Variants in NKAIN3 observed in about 807,000 individuals in gnomAD.
NKAIN3 encodes sodium/potassium-transporting ATPase subunit beta-1-interacting protein 3.
NKAIN3 carries 25 observed loss-of-function variants against 30.2 expected under a neutral mutation model. The ratio of observed to expected loss-of-function variants is 0.83; its 90% CI spans 0.60 to 1.16. The LOEUF (loss-of-function observed/expected upper bound fraction) is 1.16. NKAIN3 is among the 50% of genes most tolerant of loss of function. NKAIN3 has a pLI of 0.00. For missense variants in NKAIN3, 225 were observed against 254.1 expected (o/e 0.89, Z 0.78); for synonymous variants, 91 against 89.6 (o/e 1.02, Z -0.09).
intron 4 of NKAIN3, among the ~76,000 whole-genome samples, chr8:62,864,586 G>A (rs900671915): frequency 2.6e-5 from 4 of 152,106 alleles, no homozygotes; most frequent in Admixed American, 6.5e-5. Context: ...TAAAATTCCC[G>A]AGTCACAGTT....
In NKAIN3 at chr8:62,781,302, C is replaced by A. The variant is rs565567156; in HGVS notation, c.471+34173C>A. Among the ~76,000 whole-genome samples the A allele has an allele frequency of 4.6e-5, 7 of 151,790 alleles. No individual in the cohort carries two copies. In the South Asian group the frequency reaches 1.5e-3, roughly 32 times the overall value. On this transcript the variant is annotated intron_variant, in intron 4 of 6. Transcript: ENST00000623646. ...AGGAGGGCACAAAAAAATGGAAGGA[C>A]ATTTTATGCTTGTGGGTTGGAAGAA... is the stretch of plus-strand genomic sequence containing the variant.
chr8:62,781,699 A>C (rs1025187162), intron 4 of NKAIN3, among the ~76,000 whole-genome samples: 1 of 151,798 alleles, frequency 6.6e-6, no homozygotes, highest in Non-Finnish European at 1.5e-5. Flanking sequence ...TTCAAAAAAA[A>C]AGAAACTAGA....
At chr8:62,738,601 C>CAA (rs3032912) in intron 3 of NKAIN3, among the ~76,000 whole-genome samples, 92,164 of 124,554 alleles carry the variant, frequency 0.74, 34,954 homozygotes, top group Non-Finnish European at 0.85. Flanking sequence ...ACTCCATCTC[C>CAA]AAAAAAAAAA....
chr8:62,517,273 A>G (rs947062106), intron 1 of NKAIN3, among the ~76,000 whole-genome samples: 1 of 152,166 alleles, frequency 6.6e-6, no homozygotes, highest in African/African-American at 2.4e-5. Context: ...GTGGGTATTA[A>G]TAAGAATAGT....
chr8:62,925,607 G>T (rs897392283), intron 5 of NKAIN3, among the ~76,000 whole-genome samples: 32 of 152,178 alleles, frequency 2.1e-4, no homozygotes, highest in African/African-American at 7.0e-4. Flanking sequence ...TGTTAGAAAT[G>T]ATTTCAGTGA....
intron 3 of NKAIN3, among the ~76,000 whole-genome samples, chr8:62,653,068 G>A (rs1229710670): frequency 6.6e-6 from 1 of 152,160 alleles, no homozygotes; most frequent in Non-Finnish European, 1.5e-5. Context: ...TTTATTCAGA[G>A]TTACTGTGAG....
intron 1 of NKAIN3, among the ~76,000 whole-genome samples, chr8:62,289,847 C>T (rs1313705352): frequency 6.6e-6 from 1 of 152,160 alleles, no homozygotes; most frequent in East Asian, 1.9e-4. Context: ...TGGCCATTTT[C>T]ACAATATTGA....
At chr8:62,524,872 G>A (rs568407806) in intron 1 of NKAIN3, among the ~76,000 whole-genome samples, 253 of 151,510 alleles carry the variant, frequency 1.7e-3, no homozygotes, top group Non-Finnish European at 3.0e-3. Context: ...GAGGTACTCC[G>A]GTTTAATAGC....
intron 1 of NKAIN3, among the ~76,000 whole-genome samples, chr8:62,269,934 C>G (rs1720144293): frequency 6.6e-6 from 1 of 152,134 alleles, no homozygotes; most frequent in African/African-American, 2.4e-5. Flanking sequence ...TTTCCATGTA[C>G]TTTCCTTTAA....
intron 1 of NKAIN3, among the ~76,000 whole-genome samples, chr8:62,545,445 G>T (rs918919269): frequency 6.6e-6 from 1 of 152,054 alleles, no homozygotes; most frequent in Admixed American, 6.6e-5. Context: ...AATTAGCAGG[G>T]TGTGTCCCAG....
intron 4 of NKAIN3, among the ~76,000 whole-genome samples, chr8:62,870,186 T>G (rs1241739635): frequency 2.1e-5 from 1 of 46,864 alleles, no homozygotes; most frequent in Non-Finnish European, 5.2e-5. Flanking sequence ...GTGAGCCAAG[T>G]CTCCCTAATA....
At chr8:62,422,422 T>A (rs1442663965) in intron 1 of NKAIN3, among the ~76,000 whole-genome samples, 1 of 152,170 alleles carries the variant, frequency 6.6e-6, no homozygotes, top group Non-Finnish European at 1.5e-5. Flanking sequence ...ATGTAAATAG[T>A]CTCTAATAAC....
chr8:62,843,143 A>G (rs1819579572), intron 4 of NKAIN3, among the ~76,000 whole-genome samples: 1 of 151,870 alleles, frequency 6.6e-6, no homozygotes, highest in Admixed American at 6.6e-5. Context: ...TGGGTCATAC[A>G]GAGGAGATAG....
intron 4 of NKAIN3, among the ~76,000 whole-genome samples, chr8:62,798,335 G>A (rs1316174446): frequency 1.3e-5 from 2 of 152,144 alleles, no homozygotes; most frequent in African/African-American, 4.8e-5. Context: ...ACTTTGGGAG[G>A]CTGAGGTGGG....
rs929025544 is a variant in NKAIN3 at position 62,965,948 on chromosome 8, G to C, written c.*541G>C. 4 of 984,606 alleles carry C rather than the reference G, an allele frequency of 4.1e-6. No individual in the cohort carries two copies. The highest frequency in any genetic ancestry group is 3.6e-6 in the Non-Finnish European group (3 of 829,364). 61.0% of individuals were successfully genotyped at this position (984,606 alleles called of 1,614,324 possible). A position where few individuals can be genotyped will look rare whatever the true frequency, so the allele number is the denominator to read the frequency against. On this transcript the variant is annotated 3_prime_UTR_variant, in exon 7 of 7. Transcript: ENST00000623646. ...TTTCAACAGCATAAAACAAAACATGGAGTCCTCCTTTGTTCCTGACTTCTT... is the reference window on the plus strand; with the variant it reads ...TTTCAACAGCATAAAACAAAACATGCAGTCCTCCTTTGTTCCTGACTTCTT...
chr8:62,421,097 C>A (rs770092913), intron 1 of NKAIN3, among the ~76,000 whole-genome samples: 4 of 152,140 alleles, frequency 2.6e-5, no homozygotes, highest in Non-Finnish European at 4.4e-5. Context: ...GGATTATAAA[C>A]CAGAGCAGCC....
At chr8:62,717,354 C>CT (rs889206634) in intron 3 of NKAIN3, among the ~76,000 whole-genome samples, 5 of 152,122 alleles carry the variant, frequency 3.3e-5, no homozygotes, top group African/African-American at 1.2e-4. Context: ...TGGAAGGTGA[C>CT]TTTTTTTATG....
chr8:62,939,574 G>A lies in NKAIN3; in HGVS notation c.533-14328G>A, dbSNP rs893831223. Among the ~76,000 whole-genome samples, 124 of 152,250 alleles carry A rather than the reference G, an allele frequency of 8.1e-4. 1 individual carries two copies. Among genetic ancestry groups the A allele is most frequent in the African/African-American group, 2.9e-3 (122 of 41,542 alleles). On this transcript the variant is annotated intron_variant, in intron 5 of 6. Coordinates refer to ENST00000623646, the MANE Select transcript of NKAIN3 (RefSeq NM_001304533.3). ...AGATTTCTCAGCAGAAACCCTACAAGCTAGAAGGAAGTGGGGTCCTATCTT... is the reference window on the plus strand; with the variant it reads ...AGATTTCTCAGCAGAAACCCTACAAACTAGAAGGAAGTGGGGTCCTATCTT...
At chr8:62,529,661 G>T (rs533408012) in intron 1 of NKAIN3, among the ~76,000 whole-genome samples, 62 of 152,208 alleles carry the variant, frequency 4.1e-4, no homozygotes, top group Middle Eastern at 3.4e-3. Flanking sequence ...CATGATCTTG[G>T]ACAGCTCAGC....
Sources: allele counts gnomAD v4.1 joint callset (sites outside exome capture counted in the v4.1 genomes callset), GRCh38; gene constraint gnomAD v4.1.1; transcripts MANE v1.5; gene names NCBI Gene and HGNC (gene_info 2026-07-23, HGNC 2026-07-21).